JAG2: variants seen among roughly 807,000 people sequenced by gnomAD.
The protein encoded by JAG2 is jagged canonical Notch ligand 2, also known as protein jagged-2.
In JAG2, 46 loss-of-function variants were observed where a neutral mutation model predicts 141.7. The observed-to-expected ratio is 0.32, with a 90% CI of 0.26 to 0.42. The LOEUF (loss-of-function observed/expected upper bound fraction) is 0.42, where lower values mean the gene tolerates loss of function less well. Among genes scored for constraint, JAG2 ranks in the 10% least tolerant of loss-of-function variants. The pLI is 1.00. For missense variants in JAG2, 1,500 were observed against 1,817.5 expected (o/e 0.83, Z 3.18); for synonymous variants, 862 against 763.5 (o/e 1.13, Z -2.13).
At chr14:105,143,777 C>A (rs899979917) in intron 24 of JAG2, 139 bp from the exon 25 acceptor site, 8 of 982,738 alleles carry the variant, frequency 8.1e-6, no homozygotes, top group Non-Finnish European at 1.2e-5. Flanking sequence ...GCAGTGGCGA[C>A]TTCACCACCA....
Position 105,151,097 on chromosome 14 carries a change from A to G in JAG2, c.1275T>C (p.Asn425=), listed in dbSNP as rs1135540. 8.7e-6 allele frequency: 14 copies of G among 1,610,494 alleles called. No homozygotes were observed. The South Asian group carries it at 1.2e-4, about 14-fold the overall frequency. The change falls in exon 10 of 26, where the codon AAT becomes AAC. Residue 425 remains asparagine (N), a synonymous_variant. Coordinates refer to ENST00000331782, the MANE Select transcript of JAG2 (RefSeq NM_002226.5). ...TAAGGCATGGCTTCCCTTCACACTCATTGGCGTCTGTGAAAGAGACAAGGT... is the reference window on the plus strand; with the variant it reads ...TAAGGCATGGCTTCCCTTCACACTCGTTGGCGTCTGTGAAAGAGACAAGGT... ...WVGATCQLDA[N]ECEGKPCLNA... is the part of the protein sequence containing the mutation.
In JAG2 at chr14:105,141,902, C is replaced by T. The variant is rs1157795070; in HGVS notation, c.*793G>A. ...GAGGGGTCTGTGTGAAGGCACTTGTCACGAGCTTCAATACTGCCGCCGTCC... is the reference window on the plus strand; with the variant it reads ...GAGGGGTCTGTGTGAAGGCACTTGTTACGAGCTTCAATACTGCCGCCGTCC... On this transcript the variant is annotated 3_prime_UTR_variant, in exon 26 of 26. Coordinates refer to ENST00000331782, the MANE Select transcript of JAG2 (RefSeq NM_002226.5). The T allele has an allele frequency of 6.6e-6, 1 of 152,654 alleles. No individual in the cohort carries two copies. The highest frequency in any genetic ancestry group is 1.5e-5 in the Non-Finnish European group (1 of 68,074). The allele number at this position is 152,654 out of a possible 1,614,324, so 9.5% of individuals were successfully genotyped here.
rs2140985256 is a variant in JAG2, at chr14:105,155,956, C to T, written c.509G>A (p.Gly170Asp). The T allele has an allele frequency of 6.2e-7, 1 of 1,608,906 alleles. No homozygotes were observed. The change falls in exon 4 of 26, where the codon GGC becomes GAC. Residue 170 changes from glycine (G) to aspartate (D), a missense_variant. Physicochemically the swap from Gly to Asp is moderately conservative, Grantham distance 94. Coordinates refer to ENST00000331782, the MANE Select transcript of JAG2 (RefSeq NM_002226.5). ...ELLIERVSHA[G>D]MINPEDRWKS... The stretch of plus-strand genomic sequence containing the variant: ...CCAGCGGTCCTCCGGGTTGATCATG[C>T]CGGCATGCGACACTCGCTCGATCAG...
In JAG2 at chr14:105,167,827, C is replaced by G. The variant is rs1265329908; in HGVS notation, c.347G>C (p.Arg116Pro). 2 of 1,473,886 alleles carry G rather than the reference C, an allele frequency of 1.4e-6. No individual in the cohort carries two copies. Among genetic ancestry groups the G allele is most frequent in the Non-Finnish European group, 1.8e-6 (2 of 1,117,462 alleles). 91.3% of individuals were successfully genotyped at this position (1,473,886 alleles called of 1,614,324 possible). Reference protein sequence around the residue: ...PPAGAAGDRARARARAGGDQD... With the variant: ...PPAGAAGDRAPARARAGGDQD... ...GTCGCCGCCGGCCCGGGCCCGCGCC[C>G]GCGCTCGGTCCCCCGCAGCGCCCGC... The change falls in exon 2 of 26, where the codon CGG (arginine) becomes CCG (proline). Residue 116 changes from arginine (R) to proline (P), a missense_variant. Physicochemically the swap from Arg to Pro is moderately radical, Grantham distance 103 (BLOSUM62 -2). Around this residue, in one of 3 missense-constraint regions of JAG2, gnomAD observed 200 missense variants for 174.3 expected, o/e 1.15. Coordinates refer to ENST00000331782, the MANE Select transcript of JAG2 (RefSeq NM_002226.5). The surrounding 1 kb of genome is among the most constrained non-coding windows in gnomAD (Gnocchi z 4.8).
At chr14:105,153,102 G>A (rs994883481) in intron 5 of JAG2, among the ~76,000 whole-genome samples, 2 of 152,068 alleles carry the variant, frequency 1.3e-5, no homozygotes, top group Non-Finnish European at 2.9e-5. Context: ...CTCCCGGGGG[G>A]CCCTTCCTAG....
chr14:105,168,312 G>A, intron 1 of JAG2, 43 bp downstream of exon 1: 1 of 727,006 alleles, frequency 1.4e-6, no homozygotes. Context: ...GCGGCCCGGT[G>A]TGCCCCGTCC....
In JAG2 at chr14:105,148,835, G is replaced by A. The variant is rs754267020; in HGVS notation, c.1930C>T (p.Pro644Ser). Reference sequence around the variant, plus strand: ...ATGCATGTGCCCCCATTGCGGCAGGGCTGGCCCAGGCAGTCGTCAATGTCT... The same window carrying A: ...ATGCATGTGCCCCCATTGCGGCAGGACTGGCCCAGGCAGTCGTCAATGTCT... ...HENIDDCLGQ[P>S]CRNGGTCIDE... The change falls in exon 15 of 26, where the codon CCC becomes TCC. Residue 644 changes from proline to serine, a missense_variant. By Grantham distance (74) the Pro-to-Ser change is moderately conservative. Transcript: ENST00000331782. 1.3e-6 allele frequency: 2 copies of A among 1,594,026 alleles called. No individual in the cohort carries two copies. Among genetic ancestry groups the A allele is most frequent in the Non-Finnish European group, 1.7e-6 (2 of 1,171,106 alleles).
rs370729975 is a variant in JAG2 at position 105,156,034 on chromosome 14, G to A, written c.476-45C>T. 5.9e-5 allele frequency: 94 copies of A among 1,591,800 alleles called. 1 individual carries two copies. The highest frequency in any genetic ancestry group is 3.9e-4 in the South Asian group (35 of 90,548). On this transcript the variant is annotated intron_variant, in intron 3 of 25. Coordinates refer to ENST00000331782, the MANE Select transcript of JAG2 (RefSeq NM_002226.5). ...CAGCACAGGCCAGAGAAACCAGCCC[G>A]GCCAGGGGTCCTCCAGGAACAACGG...
In JAG2 at chr14:105,146,629, C is replaced by T. The variant is rs762743592; in HGVS notation, c.2575G>A (p.Gly859Ser). 8 of 1,612,600 alleles carry T rather than the reference C, an allele frequency of 5.0e-6. No individual in the cohort carries two copies. The highest frequency in any genetic ancestry group is 2.2e-5 in the East Asian group (1 of 44,876). ...YRCSCPPGRA[G>S]PRCQEVIGFG... is the part of the protein sequence containing the mutation. Reference sequence around the variant, plus strand: ...GGCCTACCTTCCTGGCACCGGGGGCCGGCTCGGCCGGGTGGGCAGCTACAG... The same window carrying T: ...GGCCTACCTTCCTGGCACCGGGGGCTGGCTCGGCCGGGTGGGCAGCTACAG... The change falls in exon 21 of 26, where the codon GGC becomes AGC. Residue 859 changes from glycine (G) to serine (S), a missense_variant. This residue lies in a region of JAG2 where 875 missense variants were observed against 1,202.2 expected (regional missense o/e 0.73). Coordinates refer to ENST00000331782, the MANE Select transcript of JAG2 (RefSeq NM_002226.5).
At chr14:105,149,492 C>T (rs1012435848) in intron 12 of JAG2, among the ~76,000 whole-genome samples, 172 bp from the exon 13 acceptor site, 1 of 151,972 alleles carries the variant, frequency 6.6e-6, no homozygotes, top group Non-Finnish European at 1.5e-5. Flanking sequence ...ACTGCCCAGG[C>T]CTTAGCTGAA....
chr14:105,146,033 C>T lies in JAG2; in HGVS notation c.2710-60G>A, dbSNP rs930274210. 6 of 1,563,498 alleles carry T rather than the reference C, an allele frequency of 3.8e-6. No homozygotes were observed. In the African/African-American group the frequency reaches 6.8e-5, roughly 18 times the overall value. On this transcript the variant is annotated intron_variant, in intron 22 of 25. Coordinates refer to ENST00000331782, the MANE Select transcript of JAG2 (RefSeq NM_002226.5). Reference sequence around the variant, plus strand: ...CGCACAGGAGGGTCAGATGCAGGCACACAGATGAGAACCCACAGGCAGGCA... The same window carrying T: ...CGCACAGGAGGGTCAGATGCAGGCATACAGATGAGAACCCACAGGCAGGCA...
intron 12 of JAG2, among the ~76,000 whole-genome samples, chr14:105,149,773 C>A (rs1348313987): frequency 7.2e-6 from 1 of 138,448 alleles, no homozygotes; most frequent in Non-Finnish European, 1.6e-5. Context: ...AAGGCCAGGG[C>A]AGGATCGTGG....
At position 105,151,959 on chromosome 14, in the gene JAG2, A is replaced by G; in HGVS notation, c.1018T>C (p.Ser340Pro). ...GTACCCTTCTCACAGTTCCTGCCCG[A>G]GTAGCCGTCAGGGCAGGTGCAGCGG... is the stretch of plus-strand genomic sequence containing the variant. ...QYRCTCPDGY[S>P]GRNCEKAEHA... Residue 340 changes from serine to proline, a missense_variant, in exon 7 of 26, where the codon TCG becomes CCG. Transcript: ENST00000331782. 1 of 1,613,188 alleles carries G rather than the reference A, an allele frequency of 6.2e-7. No individual in the cohort carries two copies. The highest frequency in any genetic ancestry group is 8.5e-7 in the Non-Finnish European group (1 of 1,179,994).
chr14:105,148,315 C>A lies in JAG2; in HGVS notation c.2134+11G>T, dbSNP rs369291642. The A allele has an allele frequency of 3.1e-6, 5 of 1,605,658 alleles. No individual in the cohort carries two copies. Among genetic ancestry groups the A allele is most frequent in the Admixed American group, 3.4e-5 (2 of 59,508 alleles). ...GGCAGCCCCAGGCGGCCAGGGCCTGCGGACACTCACGTGAGTGGCAGGTCT... is the reference window on the plus strand; with the variant it reads ...GGCAGCCCCAGGCGGCCAGGGCCTGAGGACACTCACGTGAGTGGCAGGTCT... On this transcript the variant is annotated intron_variant, in intron 16 of 25. Coordinates refer to ENST00000331782, the MANE Select transcript of JAG2 (RefSeq NM_002226.5).
chr14:105,168,648 C>T lies in JAG2; in HGVS notation c.-228G>A, dbSNP rs1438839710. Reference sequence around the variant, plus strand: ...GCGGCAGCTCCGGCTCGCTGGCGGCCGCGCTCCGGCTGCCCGGCCCGGCTC... The same window carrying T: ...GCGGCAGCTCCGGCTCGCTGGCGGCTGCGCTCCGGCTGCCCGGCCCGGCTC... On this transcript the variant is annotated 5_prime_UTR_variant, in exon 1 of 26. Transcript: ENST00000331782. The T allele has an allele frequency of 2.7e-5, 4 of 147,254 alleles. No individual in the cohort carries two copies. Among genetic ancestry groups the T allele is most frequent in the African/African-American group, 7.4e-5 (3 of 40,650 alleles). 9.1% of individuals were successfully genotyped at this position (147,254 alleles called of 1,614,324 possible). A position where few individuals can be genotyped will look rare whatever the true frequency, so the allele number is the denominator to read the frequency against.
chr14:105,167,501 C>T lies in JAG2; in HGVS notation c.417+256G>A, dbSNP rs587602088. Among the ~76,000 whole-genome samples, 15 of 149,898 alleles carry T rather than the reference C, an allele frequency of 1.0e-4. No homozygotes were observed. Among genetic ancestry groups the T allele is most frequent in the African/African-American group, 3.6e-4 (15 of 41,134 alleles). On this transcript the variant is annotated intron_variant, in intron 2 of 25. Transcript: ENST00000331782. This position sits in a 1 kb window ranked among gnomAD's most constrained non-coding sequence, Gnocchi z 4.8. ...GGGCGACGCAGGCACACGCCGCACA[C>T]CGCCGCGCACGCGGGACGCCGCCGC...
chr14:105,164,857 G>A (rs1041553234), intron 2 of JAG2, among the ~76,000 whole-genome samples: 1 of 152,146 alleles, frequency 6.6e-6, no homozygotes, highest in African/African-American at 2.4e-5. Context: ...TTTCACAGGT[G>A]AGAAAAGCTC....
intron 18 of JAG2, 77 bp downstream of exon 18, chr14:105,147,695 C>G (rs2242636): frequency 0.65 from 719,563 of 1,114,912 alleles, 236,727 homozygotes; most frequent in African/African-American, 0.85. Context: ...GCAGAAGGGA[C>G]TGGGGGGCGA....
At chr14:105,146,244 C>G (rs114139562) in intron 22 of JAG2, 141 bp downstream of exon 22, 1 of 837,824 alleles carries the variant, frequency 1.2e-6, no homozygotes, top group African/African-American at 1.7e-5. Context: ...TGGCTGAGCT[C>G]TCGCCTCCCT....
Sources: gnomAD v4.1 joint callset for allele counts (sites outside exome capture counted in the v4.1 genomes callset) on GRCh38, gnomAD v4.1.1 for gene constraint, gnomAD v4.1.1 regional missense constraint, Gnocchi (gnomAD v3.1) non-coding constraint, MANE v1.5 for transcripts, NCBI Gene and HGNC (gene_info 2026-07-23, HGNC 2026-07-21) for gene names.